DNAH7: variants seen among roughly 807,000 people sequenced by gnomAD.
DNAH7 encodes axonemal beta dynein heavy chain 7.
In DNAH7, 397 loss-of-function variants were observed where a neutral mutation model predicts 444.6. The observed-to-expected ratio is 0.89, with a 90% CI of 0.82 to 0.97. The LOEUF (loss-of-function observed/expected upper bound fraction) is 0.97. Ranked by LOEUF, DNAH7 falls within the 50% of genes least tolerant of loss-of-function variation. DNAH7 has a pLI of 0.00. For synonymous variants in DNAH7, 1,636 were observed against 1,624.4 expected (o/e 1.01, Z -0.17); for missense variants, 4,902 against 4,800.8 (o/e 1.02, Z -0.62).
intron 40 of DNAH7, among the ~76,000 whole-genome samples, chr2:195,865,845 G>A (rs2125100433): frequency 6.6e-6 from 1 of 152,122 alleles, no homozygotes; most frequent in Non-Finnish European, 1.5e-5. Context: ...GTCCTTATAA[G>A]GAGAGGAAGA....
chr2:195,964,526 G>A (rs970358716), intron 17 of DNAH7, among the ~76,000 whole-genome samples: 4 of 119,094 alleles, frequency 3.4e-5, no homozygotes, highest in Non-Finnish European at 5.3e-5. Flanking sequence ...AGTTCTAATA[G>A]TTTTTTTTTT....
At chr2:195,915,309 T>A (rs562961299) in intron 24 of DNAH7, among the ~76,000 whole-genome samples, 1 of 152,182 alleles carries the variant, frequency 6.6e-6, no homozygotes, top group Non-Finnish European at 1.5e-5. Context: ...GAGTTAGTTG[T>A]ATTTATTGAG....
chr2:195,929,597 A>G (rs1228971531), intron 21 of DNAH7, among the ~76,000 whole-genome samples: 2 of 152,242 alleles, frequency 1.3e-5, no homozygotes, highest in Non-Finnish European at 2.9e-5. Flanking sequence ...CTCTTTGACA[A>G]AGTCAACAAA....
intron 63 of DNAH7, among the ~76,000 whole-genome samples, chr2:195,747,684 T>C (rs1156580540): frequency 5.3e-5 from 8 of 152,258 alleles, no homozygotes; most frequent in African/African-American, 1.9e-4. Flanking sequence ...GTTCCATATA[T>C]GCAAATCAAT....
intron 2 of DNAH7, among the ~76,000 whole-genome samples, chr2:196,051,811 T>C (rs1697491381): frequency 3.9e-5 from 6 of 152,150 alleles, no homozygotes; most frequent in Admixed American, 3.9e-4. Flanking sequence ...ACCTAGGAAC[T>C]ACTGACACTC....
chr2:195,956,775 C>A (rs1030410902), intron 19 of DNAH7, among the ~76,000 whole-genome samples: 1 of 151,588 alleles, frequency 6.6e-6, no homozygotes, highest in Admixed American at 6.6e-5. Flanking sequence ...GTGTATTTTT[C>A]TTTCTTTATT....
chr2:196,028,174 T>C, intron 5 of DNAH7, 127 bp from the exon 6 acceptor site: 1 of 710,834 alleles, frequency 1.4e-6, no homozygotes, highest in South Asian at 2.1e-5. Flanking sequence ...TTGAACATTT[T>C]ACAAACAGCA....
intron 21 of DNAH7, among the ~76,000 whole-genome samples, chr2:195,932,980 T>C (rs1057453770): frequency 5.3e-5 from 8 of 152,200 alleles, no homozygotes; most frequent in Non-Finnish European, 7.3e-5. Context: ...ATTGGAATAG[T>C]TTCAGAAGGA....
chr2:195,899,912 TATA>T (rs1686594624), intron 28 of DNAH7, among the ~76,000 whole-genome samples: 1 of 152,180 alleles, frequency 6.6e-6, no homozygotes. Flanking sequence ...ATTGTGTAAT[TATA>T]ATAAGTGACA....
chr2:195,874,222 G>C (rs568367818), intron 38 of DNAH7, among the ~76,000 whole-genome samples: 1 of 152,090 alleles, frequency 6.6e-6, no homozygotes, highest in African/African-American at 2.4e-5. Context: ...GACTTCACTG[G>C]CTGCTTGCAT....
intron 17 of DNAH7, among the ~76,000 whole-genome samples, chr2:195,967,316 C>T (rs971027107): frequency 6.6e-6 from 1 of 152,044 alleles, no homozygotes; most frequent in Admixed American, 6.5e-5. Flanking sequence ...CTGTTTATAT[C>T]TTGAAAAGTA....
chr2:195,834,420 T>C (rs369423771), intron 47 of DNAH7, 60 bp from the exon 48 acceptor site: 1 of 1,496,382 alleles, frequency 6.7e-7, no homozygotes, highest in Admixed American at 1.9e-5. Context: ...CACTACTTAA[T>C]CATGTTCACA....
intron 1 of DNAH7, among the ~76,000 whole-genome samples, chr2:196,059,153 A>G (rs1324150677): frequency 6.6e-6 from 1 of 151,452 alleles, no homozygotes; most frequent in Non-Finnish European, 1.5e-5. Flanking sequence ...CTTCTCTATA[A>G]CTAAAACTTC....
chr2:196,061,894 G>A (rs905784421), intron 1 of DNAH7, among the ~76,000 whole-genome samples: 2 of 152,038 alleles, frequency 1.3e-5, no homozygotes, highest in African/African-American at 4.8e-5. Context: ...GAGTTCCATC[G>A]TACTTACTTA....
intron 10 of DNAH7, among the ~76,000 whole-genome samples, chr2:196,003,330 C>G (rs978325833): frequency 2.0e-5 from 3 of 151,986 alleles, no homozygotes; most frequent in Non-Finnish European, 4.4e-5. Context: ...AGGGGAAGGT[C>G]CAGTTCAGGC....
In DNAH7 at chr2:195,864,688, T is replaced by G; in HGVS notation, c.6967A>C (p.Ile2323Leu). 2 of 1,614,238 alleles carry G rather than the reference T, an allele frequency of 1.2e-6. No homozygotes were observed. Among genetic ancestry groups the G allele is most frequent in the Non-Finnish European group, 1.7e-6 (2 of 1,180,040 alleles). Residue 2323 changes from isoleucine to leucine, a missense_variant, in exon 41 of 65, where the codon ATC (isoleucine) becomes CTC (leucine). Ile to Leu is a conservative substitution (Grantham distance 5). Coordinates refer to ENST00000312428, the MANE Select transcript of DNAH7 (RefSeq NM_018897.3). ...LVLFRFAIEH[I>L]SRISRILKQP... ...TTCAGGATCCTGGAAATTCTGCTGA[T>G]GTGCTCTATGGCAAATCGAAACAAG...
intron 8 of DNAH7, among the ~76,000 whole-genome samples, chr2:196,019,499 A>T (rs184476544): frequency 1.3e-5 from 2 of 152,272 alleles, no homozygotes; most frequent in African/African-American, 4.8e-5. Flanking sequence ...AATGACTCTG[A>T]AATTAGATTT....
At chr2:196,055,851 T>C (rs1003487364) in intron 2 of DNAH7, among the ~76,000 whole-genome samples, 3 of 152,214 alleles carry the variant, frequency 2.0e-5, no homozygotes, top group Non-Finnish European at 4.4e-5. Flanking sequence ...GCCACCACCC[T>C]GACTTTTTAA....
intron 46 of DNAH7, among the ~76,000 whole-genome samples, chr2:195,847,965 G>C (rs1699112318): frequency 6.6e-6 from 1 of 152,200 alleles, no homozygotes; most frequent in Non-Finnish European, 1.5e-5. Context: ...TGTTCAGAAA[G>C]TCAGAAGTCA....
Sources: gnomAD v4.1 joint callset for allele counts (sites outside exome capture counted in the v4.1 genomes callset) on GRCh38, gnomAD v4.1.1 for gene constraint, MANE v1.5 for transcripts, NCBI Gene and HGNC (gene_info 2026-07-23, HGNC 2026-07-21) for gene names.